The following PPP1R15B variants were observed in gnomAD, a reference collection of about 807,000 sequenced individuals.
PPP1R15B encodes protein phosphatase 1, regulatory (inhibitor) subunit 15B.
Under a neutral mutation model 53.9 loss-of-function variants are expected in PPP1R15B, and 31 were observed. The observed-to-expected ratio is 0.58, with a 90% CI of 0.43 to 0.78. The LOEUF (loss-of-function observed/expected upper bound fraction) is 0.78. Ranked by LOEUF, PPP1R15B falls within the 30% of genes least tolerant of loss-of-function variation. The pLI is 0.00. For missense variants in PPP1R15B, 928 were observed against 849.6 expected (o/e 1.09, Z -1.15); for synonymous variants, 345 against 329.1 (o/e 1.05, Z -0.52).
rs1304590380 is a variant in PPP1R15B at position 204,410,859 on chromosome 1, G to A, written c.553C>T (p.Leu185=). 1.2e-6 allele frequency: 2 copies of A among 1,614,194 alleles called. No individual in the cohort carries two copies. The highest frequency in any genetic ancestry group is 2.2e-5 in the East Asian group (1 of 44,886). Reference sequence around the variant, plus strand: ...CGGGATTGAAGGCTACTGGGCAACAGCTCCACTCCCCACAGCTGCTGCTCT... The same window carrying A: ...CGGGATTGAAGGCTACTGGGCAACAACTCCACTCCCCACAGCTGCTGCTCT... ...LLEQQLWGVE[L]LPSSLQSRLY... The change falls in exon 1 of 2, where the codon CTG becomes TTG. Residue 185 remains leucine (L), a synonymous_variant. Coordinates refer to ENST00000367188, the MANE Select transcript of PPP1R15B (RefSeq NM_032833.5).
Position 204,411,235 on chromosome 1 carries a change from C to T in PPP1R15B, c.177G>A (p.Arg59=). The T allele has an allele frequency of 6.2e-7, 1 of 1,614,248 alleles. No homozygotes were observed. Among genetic ancestry groups the T allele is most frequent in the Non-Finnish European group, 8.5e-7 (1 of 1,180,036 alleles). The change falls in exon 1 of 2, where the codon CGG becomes CGA. Residue 59 remains arginine (R), a synonymous_variant. Coordinates refer to ENST00000367188, the MANE Select transcript of PPP1R15B (RefSeq NM_032833.5). ...AGAGCAGTTTCGTCCAGTAACTGAC[C>T]CGAGTCTCGGGCTGGGCAGAGGAAA... ...TLLSSAQPET[R]VSYWTKLLSQ...
In PPP1R15B at chr1:204,404,211, G is replaced by A. The variant is rs1467057422; in HGVS notation, c.*1881C>T. 3 of 985,104 alleles carry A rather than the reference G, an allele frequency of 3.0e-6. No individual in the cohort carries two copies. The highest frequency in any genetic ancestry group is 1.1e-4 in the East Asian group (1 of 8,816). The allele number at this position is 985,104 out of a possible 1,614,324, so 61.0% of individuals were successfully genotyped here. ...CTCCCTATGATTACCTAAAGTGGAG[G>A]TGCACAAAACACACAGAATCCCAGC... On this transcript the variant is annotated 3_prime_UTR_variant, in exon 2 of 2. Coordinates refer to ENST00000367188, the MANE Select transcript of PPP1R15B (RefSeq NM_032833.5).
At chr1:204,398,106 G>A (rs772381678), downstream of PPP1R15B, among the ~76,000 whole-genome samples, 8 of 152,170 alleles carry the variant, frequency 5.3e-5, no homozygotes, top group African/African-American at 9.7e-5. Flanking sequence ...TGGTCACTGC[G>A]CAGACCCTTC....
rs763901707 is a variant in PPP1R15B at position 204,410,023 on chromosome 1, C to G, written c.1389G>C (p.Leu463=). Residue 463 remains leucine (L), a synonymous_variant, in exon 1 of 2, where the codon CTG becomes CTC. Coordinates refer to ENST00000367188, the MANE Select transcript of PPP1R15B (RefSeq NM_032833.5). ...EDDGFDSDSS[L]SDSDLEQDPE... is the part of the protein sequence containing the mutation. ...GGTCTTGTTCAAGGTCTGAGTCTGA[C>G]AGTGAGCTATCACTATCAAAACCAT... is the stretch of plus-strand genomic sequence containing the variant. The G allele has an allele frequency of 3.7e-6, 6 of 1,614,044 alleles. No homozygotes were observed. In the South Asian group the frequency reaches 6.6e-5, roughly 18 times the overall value.
At chr1:204,401,519 T>C (rs1572251007), downstream of PPP1R15B, among the ~76,000 whole-genome samples, 1 of 152,362 alleles carries the variant, frequency 6.6e-6, no homozygotes, top group East Asian at 1.9e-4. Flanking sequence ...GGAAGCATTA[T>C]TTTTTAATGT....
At chr1:204,400,493 T>TTTTTTTGTA (rs1674158138), downstream of PPP1R15B, among the ~76,000 whole-genome samples, 1 of 151,022 alleles carries the variant, frequency 6.6e-6, no homozygotes, top group Non-Finnish European at 1.5e-5. Flanking sequence ...TTTCTTTTTT[T>TTTTTTTGTA]TTTTTTGTAT....
At chr1:204,409,381 G>T in intron 1 of PPP1R15B, 111 bp downstream of exon 1, 1 of 1,193,212 alleles carries the variant, frequency 8.4e-7, no homozygotes, top group Non-Finnish European at 1.2e-6. Context: ...TGAATTTAGA[G>T]GCCTTCCTCA....
rs1674220955 is a variant in PPP1R15B at position 204,404,013 on chromosome 1, C to G, written c.*2079G>C. On this transcript the variant is annotated 3_prime_UTR_variant, in exon 2 of 2. Transcript: ENST00000367188. ...ACACAGAGGTGCTAGGTTTAAGAAA[C>G]AGGAAACACAACGTTAAGTCTCGGA... 4.1e-6 allele frequency: 4 copies of G among 985,388 alleles called. No individual in the cohort carries two copies. Among genetic ancestry groups the G allele is most frequent in the Non-Finnish European group, 4.8e-6 (4 of 829,906 alleles). 61.0% of individuals were successfully genotyped at this position (985,388 alleles called of 1,614,324 possible).
rs116238168 is a variant in PPP1R15B, at chr1:204,403,747, G to A, written c.*2345C>T. ...CCAAAGATTTTCTCTTTAAGATTAC[G>A]GGGGTTTAACTTTGTTCTAACTAGA... On this transcript the variant is annotated 3_prime_UTR_variant, in exon 2 of 2. Coordinates refer to ENST00000367188, the MANE Select transcript of PPP1R15B (RefSeq NM_032833.5). The A allele has an allele frequency of 4.1e-3, 4,025 of 985,248 alleles. 4 individuals are homozygous for A. Among genetic ancestry groups the A allele is most frequent in the Non-Finnish European group, 4.6e-3 (3,785 of 829,414 alleles). The allele number at this position is 985,248 out of a possible 1,614,324, so 61.0% of individuals were successfully genotyped here. A position where few individuals can be genotyped will look rare whatever the true frequency, so the allele number is the denominator to read the frequency against.
chr1:204,410,325 C>T lies in PPP1R15B; in HGVS notation c.1087G>A (p.Glu363Lys). ...TCTGTAGTTAATAATTCTATTTTTT[C>T]TTCAGTGGATTCCTGGGTGTTTCCA... ...IPGNTQESTE[E>K]KIELLTTEVP... The change falls in exon 1 of 2, where the codon GAA becomes AAA. Residue 363 changes from glutamate (E) to lysine (K), a missense_variant. Transcript: ENST00000367188. The T allele has an allele frequency of 4.3e-6, 7 of 1,614,124 alleles. No homozygotes were observed. The highest frequency in any genetic ancestry group is 1.1e-5 in the South Asian group (1 of 91,082).
At position 204,410,468 on chromosome 1, in the gene PPP1R15B, G is replaced by A. The variant is rs932050075; in HGVS notation, c.944C>T (p.Thr315Ile). The A allele has an allele frequency of 1.2e-6, 2 of 1,614,104 alleles. No homozygotes were observed. Among genetic ancestry groups the A allele is most frequent in the African/African-American group, 1.3e-5 (1 of 74,928 alleles). The change falls in exon 1 of 2, where the codon ACC becomes ATC. Residue 315 changes from threonine to isoleucine, a missense_variant. By Grantham distance (89) the Thr-to-Ile change is moderately conservative (BLOSUM62 -1). Coordinates refer to ENST00000367188, the MANE Select transcript of PPP1R15B (RefSeq NM_032833.5). ...GTGGTAGCCATTATCCTGGTCAGGGGTGGGTAAATCTTGCCCCTTGCTAGC... is the reference window on the plus strand; with the variant it reads ...GTGGTAGCCATTATCCTGGTCAGGGATGGGTAAATCTTGCCCCTTGCTAGC... ...QQASKGQDLPTPDQDNGYHSL... is the reference protein window; with the variant it reads ...QQASKGQDLPIPDQDNGYHSL...
downstream of PPP1R15B, among the ~76,000 whole-genome samples, chr1:204,401,740 G>A (rs946681379): frequency 2.0e-5 from 3 of 152,090 alleles, no homozygotes; most frequent in Non-Finnish European, 4.4e-5. Flanking sequence ...GGACAACATG[G>A]CAAAACCCCA....
At position 204,406,232 on chromosome 1, in the gene PPP1R15B, C is replaced by A. The variant is rs1044310098; in HGVS notation, c.2002G>T (p.Asp668Tyr). 19 of 1,614,064 alleles carry A rather than the reference C, an allele frequency of 1.2e-5. No individual in the cohort carries two copies. The highest frequency in any genetic ancestry group is 1.5e-5 in the Non-Finnish European group (18 of 1,180,042). ...ATTCGTTTCTGGAACCTGCATCCAT[C>A]CCTTGCAAATTCTTCCCATGGTCCT... ...RKGPWEEFAR[D>Y]GCRFQKRIQE... The change falls in exon 2 of 2, where the codon GAT (aspartate) becomes TAT (tyrosine). Residue 668 changes from aspartate to tyrosine, a missense_variant. Coordinates refer to ENST00000367188, the MANE Select transcript of PPP1R15B (RefSeq NM_032833.5).
downstream of PPP1R15B, among the ~76,000 whole-genome samples, chr1:204,398,226 G>A (rs567447623): frequency 1.1e-3 from 163 of 152,234 alleles, no homozygotes; most frequent in Non-Finnish European, 2.1e-3. Context: ...GCCTGTAATC[G>A]CGACACTTTG....
chr1:204,411,424 GAC>G lies in PPP1R15B; in HGVS notation c.-15_-14del, dbSNP rs1280427485. 12 of 1,607,766 alleles carry G rather than the reference GAC, an allele frequency of 7.5e-6. No individual in the cohort carries two copies. Among genetic ancestry groups the G allele is most frequent in the Non-Finnish European group, 1.0e-5 (12 of 1,178,538 alleles). On this transcript the variant is annotated 5_prime_UTR_variant, in exon 1 of 2. Coordinates refer to ENST00000367188, the MANE Select transcript of PPP1R15B (RefSeq NM_032833.5). ...TCCCCGGCTCCATCTCCTTTTTCTTGACAGTCTCTCAGGTAGGGCCGCGGCGC... is the reference window on the plus strand; with the variant it reads ...TCCCCGGCTCCATCTCCTTTTTCTTGAGTCTCTCAGGTAGGGCCGCGGCGC...
chr1:204,399,165 C>A (rs1225602953), downstream of PPP1R15B, among the ~76,000 whole-genome samples: 1 of 152,154 alleles, frequency 6.6e-6, no homozygotes, highest in Admixed American at 6.5e-5. Flanking sequence ...CAGTGGCTCA[C>A]ACATGTAATC....
At position 204,403,701 on chromosome 1, in the gene PPP1R15B, T is replaced by C; in HGVS notation, c.*2391A>G. ...CACCATTAACAAGACTTTAAATGTA[T>C]AAAATGTTTAATTAAAACCTCCAAA... is the stretch of plus-strand genomic sequence containing the variant. On this transcript the variant is annotated 3_prime_UTR_variant, in exon 2 of 2. Coordinates refer to ENST00000367188, the MANE Select transcript of PPP1R15B (RefSeq NM_032833.5). The C allele has an allele frequency of 1.0e-6, 1 of 984,738 alleles. No individual in the cohort carries two copies. The highest frequency in any genetic ancestry group is 1.2e-6 in the Non-Finnish European group (1 of 828,884). 61.0% of individuals were successfully genotyped at this position (984,738 alleles called of 1,614,324 possible).
In PPP1R15B at chr1:204,405,190, C is replaced by T; in HGVS notation, c.*902G>A. On this transcript the variant is annotated 3_prime_UTR_variant, in exon 2 of 2. Transcript: ENST00000367188. ...AAAACCAAATTGCTCTGAGATGTCT[C>T]CTATTTTCTTTCTAGGAAATTTCTA... The T allele has an allele frequency of 1.0e-6, 1 of 985,068 alleles. No individual in the cohort carries two copies. Among genetic ancestry groups the T allele is most frequent in the Non-Finnish European group, 1.2e-6 (1 of 829,278 alleles). 61.0% of individuals were successfully genotyped at this position (985,068 alleles called of 1,614,324 possible). A position where few individuals can be genotyped will look rare whatever the true frequency, so the allele number is the denominator to read the frequency against.
chr1:204,403,441 A>G lies in PPP1R15B; in HGVS notation c.*2651T>C. 1 of 765,796 alleles carries G rather than the reference A, an allele frequency of 1.3e-6. No homozygotes were observed. The highest frequency in any genetic ancestry group is 1.6e-6 in the Non-Finnish European group (1 of 629,644). The allele number at this position is 765,796 out of a possible 1,614,324, so 47.4% of individuals were successfully genotyped here. A position where few individuals can be genotyped will look rare whatever the true frequency, so the allele number is the denominator to read the frequency against. On this transcript the variant is annotated 3_prime_UTR_variant, in exon 2 of 2. Transcript: ENST00000367188. ...TTTACAGATTAGTTATGTTATATAC[A>G]CAAATATAATTTTAACTATAAAATC...
Sources: gnomAD v4.1 joint callset for allele counts (sites outside exome capture counted in the v4.1 genomes callset) on GRCh38, gnomAD v4.1.1 for gene constraint, MANE v1.5 for transcripts, NCBI Gene and HGNC (gene_info 2026-07-23, HGNC 2026-07-21) for gene names.